Variants in MOB3C observed in about 807,000 individuals in gnomAD.
MOB3C encodes MOB kinase activator 3C, also known as MOB1, Mps One Binder kinase activator-like 2C.
MOB3C carries 17 observed loss-of-function variants against 19.8 expected under a neutral mutation model. The ratio of observed to expected loss-of-function variants is 0.86; its 90% CI spans 0.59 to 1.29. MOB3C has a LOEUF of 1.29. MOB3C is among the 50% of genes most tolerant of loss of function. The pLI is 0.00. For missense variants in MOB3C, 291 were observed against 301.9 expected (o/e 0.96, Z 0.27); for synonymous variants, 101 against 119.2 (o/e 0.85, Z 0.99).
chr1:46,614,754 G>GT, intron 1 of MOB3C: 1 of 520,672 alleles, frequency 1.9e-6, no homozygotes, highest in Non-Finnish European at 3.4e-6. Context: ...TGGGAACCAG[G>GT]TGACACCTGG....
chr1:46,615,267 A>G (rs1570382657), intron 1 of MOB3C: 2 of 534,814 alleles, frequency 3.7e-6, no homozygotes, highest in Admixed American at 6.5e-5. Context: ...CACACCAACC[A>G]CCCTGGGCTT....
chr1:46,610,080 G>T lies in MOB3C; in HGVS notation c.543C>A (p.His181Gln). 1 of 1,614,204 alleles carries T rather than the reference G, an allele frequency of 6.2e-7. No individual in the cohort carries two copies. The highest frequency in any genetic ancestry group is 8.5e-7 in the Non-Finnish European group (1 of 1,180,038). Reference sequence around the variant, plus strand: ...AGAAGTGCTTGTAGCAGGTGTTGACGTGCGCCTCTGCCCCCATGCTGAGGA... The same window carrying T: ...AGAAGTGCTTGTAGCAGGTGTTGACTTGCGCCTCTGCCCCCATGCTGAGGA... ...DSILSMGAEA[H>Q]VNTCYKHFYY... The change falls in exon 3 of 4, where the codon CAC (histidine) becomes CAA (glutamine). Residue 181 changes from histidine to glutamine, a missense_variant. His to Gln is a conservative substitution (Grantham distance 24). Coordinates refer to ENST00000319928, the MANE Select transcript of MOB3C (RefSeq NM_201403.3).
At position 46,610,903 on chromosome 1, in the gene MOB3C, A is replaced by T. The variant is rs868001792; in HGVS notation, c.419-699T>A. 4.6e-5 allele frequency among the ~76,000 whole-genome samples: 7 copies of T among 152,298 alleles called. No individual in the cohort carries two copies. In the Middle Eastern group the frequency reaches 0.017, roughly 370 times the overall value. ...ACATCACACTCTTGTATACAACTCCAAGGAGAGTTCAACAACTGGGTCCAT... is the reference window on the plus strand; with the variant it reads ...ACATCACACTCTTGTATACAACTCCTAGGAGAGTTCAACAACTGGGTCCAT... On this transcript the variant is annotated intron_variant, in intron 2 of 3. Coordinates refer to ENST00000319928, the MANE Select transcript of MOB3C (RefSeq NM_201403.3).
In MOB3C at chr1:46,609,502, A is replaced by C; in HGVS notation, c.*153T>G. 1 of 938,336 alleles carries C rather than the reference A, an allele frequency of 1.1e-6. No homozygotes were observed. Among genetic ancestry groups the C allele is most frequent in the South Asian group, 1.4e-5 (1 of 71,784 alleles). The allele number at this position is 938,336 out of a possible 1,614,324, so 58.1% of individuals were successfully genotyped here. On this transcript the variant is annotated 3_prime_UTR_variant, in exon 4 of 4. Coordinates refer to ENST00000319928, the MANE Select transcript of MOB3C (RefSeq NM_201403.3). ...TCCACAAGCGGTCAGGGCGACAGGT[A>C]GGCAGACTCCTGAGAACCAGAAGTC...
chr1:46,614,807 C>T, intron 1 of MOB3C: 1 of 579,032 alleles, frequency 1.7e-6, no homozygotes, highest in Admixed American at 3.0e-5. Context: ...AGGGGTATTA[C>T]TTCTGGCAAG....
At chr1:46,613,591 T>G (rs1675514092) in intron 1 of MOB3C, 2 of 569,774 alleles carry the variant, frequency 3.5e-6, no homozygotes, top group South Asian at 2.3e-5. Context: ...CCATCTTGCT[T>G]TGTCTCTTTT....
Position 46,610,064 on chromosome 1 carries a change from T to TA in MOB3C, c.558_559insT (p.Lys187Ter), listed in dbSNP as rs757757847. 6.2e-7 allele frequency: 1 copy of TA among 1,614,228 alleles called. No individual in the cohort carries two copies. Among genetic ancestry groups the TA allele is most frequent in the East Asian group, 2.2e-5 (1 of 44,886 alleles). The stretch of plus-strand genomic sequence containing the variant: ...TCGCGGATGAAGTAGTAGAAGTGCT[T>TA]GTAGCAGGTGTTGACGTGCGCCTCT... On this transcript the variant is annotated frameshift_variant, in exon 3 of 4. Coordinates refer to ENST00000319928, the MANE Select transcript of MOB3C (RefSeq NM_201403.3). LOFTEE classifies it high-confidence loss of function.
At position 46,615,070 on chromosome 1, in the gene MOB3C, G is replaced by A. The variant is rs771163805; in HGVS notation, c.-51+1641C>T. On this transcript the variant is annotated intron_variant, in intron 1 of 3. Transcript: ENST00000319928. ...GTTTCCAGAGCAAAGAGATTTCTGC[G>A]CTTCATTTGCCATCTCCATTTTAAA... 1.8e-5 allele frequency: 29 copies of A among 1,611,768 alleles called. No homozygotes were observed. In the Admixed American group the frequency reaches 2.2e-4, roughly 12 times the overall value.
Position 46,609,563 on chromosome 1 carries a change from T to G in MOB3C, c.*92A>C, listed in dbSNP as rs1407206616. The G allele has an allele frequency of 6.6e-7, 1 of 1,521,506 alleles. No homozygotes were observed. Among genetic ancestry groups the G allele is most frequent in the African/African-American group, 1.4e-5 (1 of 73,106 alleles). 94.3% of individuals were successfully genotyped at this position (1,521,506 alleles called of 1,614,324 possible). ...GGGTGTGTGGAGTGATTCCAGTGCCTTCAGATTCCTTCAGGCTCCTGGGGG... is the reference window on the plus strand; with the variant it reads ...GGGTGTGTGGAGTGATTCCAGTGCCGTCAGATTCCTTCAGGCTCCTGGGGG... On this transcript the variant is annotated 3_prime_UTR_variant, in exon 4 of 4. Transcript: ENST00000319928.
At chr1:46,609,975 G>A (rs775948265) in intron 3 of MOB3C, 27 bp downstream of exon 3, 2 of 1,613,028 alleles carry the variant, frequency 1.2e-6, no homozygotes, top group East Asian at 4.5e-5. Flanking sequence ...AGCCTTGGTA[G>A]GGGAGGGTGG....
intron 1 of MOB3C, chr1:46,616,207 T>C (rs1226677077): frequency 1.3e-5 from 2 of 152,352 alleles, no homozygotes; most frequent in Non-Finnish European, 2.9e-5. Context: ...CTGTTTCTGA[T>C]ATTTAGCCCC....
chr1:46,613,661 G>A (rs1675514879), intron 1 of MOB3C: 1 of 435,902 alleles, frequency 2.3e-6, no homozygotes. Flanking sequence ...ACTTGCTGTT[G>A]GTCACGAGAG....
rs1675419434 is a variant in MOB3C, at chr1:46,609,178, A to G, written c.*477T>C. ...ATCCAACATTTATGGAAGGCCTACT[A>G]TGTGCCAAGGAGGGGTAAGGCAGCT... On this transcript the variant is annotated 3_prime_UTR_variant, in exon 4 of 4. Coordinates refer to ENST00000319928, the MANE Select transcript of MOB3C (RefSeq NM_201403.3). 1.8e-5 allele frequency: 4 copies of G among 220,768 alleles called. No homozygotes were observed. The highest frequency in any genetic ancestry group is 3.7e-5 in the Non-Finnish European group (4 of 108,352). The allele number at this position is 220,768 out of a possible 1,614,324, so 13.7% of individuals were successfully genotyped here. A position where few individuals can be genotyped will look rare whatever the true frequency, so the allele number is the denominator to read the frequency against.
At chr1:46,614,123 T>C (rs1243086698) in intron 1 of MOB3C, 1 of 152,290 alleles carries the variant, frequency 6.6e-6, no homozygotes. Flanking sequence ...TGACACTCAG[T>C]AGACATTCCT....
intron 1 of MOB3C, chr1:46,615,958 G>A (rs563354715): frequency 6.6e-6 from 1 of 152,486 alleles, no homozygotes; most frequent in Admixed American, 6.5e-5. Flanking sequence ...TCAGGGGGTG[G>A]GTGCAGGGCA....
rs1675471316 is a variant in MOB3C, at chr1:46,611,641, G to A, written c.418+1263C>T. Reference sequence around the variant, plus strand: ...GGGGTCGAGCCTTCCCTCCCTCTGAGCCCCTCCAGCCCAGCCCAGATTCCT... The same window carrying A: ...GGGGTCGAGCCTTCCCTCCCTCTGAACCCCTCCAGCCCAGCCCAGATTCCT... On this transcript the variant is annotated intron_variant, in intron 2 of 3. Coordinates refer to ENST00000319928, the MANE Select transcript of MOB3C (RefSeq NM_201403.3). This position sits in a 1 kb window ranked among gnomAD's most constrained non-coding sequence, Gnocchi z 4.1. Among the ~76,000 whole-genome samples the A allele has an allele frequency of 6.6e-6, 1 of 151,832 alleles. No homozygotes were observed. Among genetic ancestry groups the A allele is most frequent in the South Asian group, 2.1e-4 (1 of 4,814 alleles).
chr1:46,609,556 C>T lies in MOB3C; in HGVS notation c.*99G>A. On this transcript the variant is annotated 3_prime_UTR_variant, in exon 4 of 4. Transcript: ENST00000319928. ...AGGCTTTGGGTGTGTGGAGTGATTC[C>T]AGTGCCTTCAGATTCCTTCAGGCTC... is the stretch of plus-strand genomic sequence containing the variant. 2.1e-6 allele frequency: 3 copies of T among 1,459,164 alleles called. No homozygotes were observed. The highest frequency in any genetic ancestry group is 2.3e-5 in the East Asian group (1 of 43,586). 90.4% of individuals were successfully genotyped at this position (1,459,164 alleles called of 1,614,324 possible). A position where few individuals can be genotyped will look rare whatever the true frequency, so the allele number is the denominator to read the frequency against.
chr1:46,609,405 C>T lies in MOB3C; in HGVS notation c.*250G>A. On this transcript the variant is annotated 3_prime_UTR_variant, in exon 4 of 4. Coordinates refer to ENST00000319928, the MANE Select transcript of MOB3C (RefSeq NM_201403.3). ...AAGAAACCCCCTAGCCTACCCTACTCCCAGACTTCATGCCAGAGGTTTAAC... is the reference window on the plus strand; with the variant it reads ...AAGAAACCCCCTAGCCTACCCTACTTCCAGACTTCATGCCAGAGGTTTAAC... 1 of 588,200 alleles carries T rather than the reference C, an allele frequency of 1.7e-6. No individual in the cohort carries two copies. Among genetic ancestry groups the T allele is most frequent in the Non-Finnish European group, 3.0e-6 (1 of 328,578 alleles). The allele number at this position is 588,200 out of a possible 1,614,324, so 36.4% of individuals were successfully genotyped here.
chr1:46,616,080 G>C, intron 1 of MOB3C: 1 of 152,478 alleles, frequency 6.6e-6, no homozygotes, highest in East Asian at 1.9e-4. Context: ...GCCGTTCCCC[G>C]TCCTAGCCCC....
Sources: allele counts gnomAD v4.1 joint callset (sites outside exome capture counted in the v4.1 genomes callset), GRCh38; gene constraint gnomAD v4.1.1; non-coding constraint Gnocchi (gnomAD v3.1); transcripts MANE v1.5; gene names NCBI Gene and HGNC (gene_info 2026-07-23, HGNC 2026-07-21).